Variants in KAT6B observed in about 807,000 individuals in gnomAD.
KAT6B encodes histone acetyltransferase KAT6B.
KAT6B carries 10 observed loss-of-function variants against 187.5 expected under a neutral mutation model. That is an observed-to-expected ratio of 0.05 (90% confidence interval 0.03 to 0.09). KAT6B has a LOEUF of 0.09. KAT6B is among the 10% of genes least tolerant of loss of function. The pLI is 1.00. For synonymous variants in KAT6B, 861 were observed against 926.8 expected, an observed-to-expected ratio of 0.93 and a Z score of 1.29; for missense variants, 1,952 against 2,558.9, an observed-to-expected ratio of 0.76 and a Z score of 5.12.
At chr10:74,906,075 G>GAAA (rs1179776301) in intron 3 of KAT6B, among the ~76,000 whole-genome samples, 1 of 152,002 alleles carries the variant, frequency 6.6e-6, no homozygotes, top group African/African-American at 2.4e-5. Context: ...TGAAAAATAG[G>GAAA]AAAAAATATA....
intron 13 of KAT6B, among the ~76,000 whole-genome samples, chr10:74,997,588 A>T (rs1332092256): frequency 1.3e-5 from 2 of 152,104 alleles, no homozygotes; most frequent in Non-Finnish European, 2.9e-5. Context: ...TCAAATATGA[A>T]AAAAAAATTG....
Position 74,843,268 on chromosome 10 carries a change from T to C in KAT6B, c.411T>C (p.Ser137=), listed in dbSNP as rs1196336062. The change falls in exon 3 of 18, where the codon AGT becomes AGC. Residue 137 remains serine (S), a synonymous_variant. Coordinates refer to ENST00000287239, the MANE Select transcript of KAT6B (RefSeq NM_012330.4). ...KNIEKYLRSQ[S]DLTSTTNNPA... ...TAGAGAAGTATCTCAGAAGTCAAAG[T>C]GATCTCACAAGCACCACCAACAACC... The C allele has an allele frequency of 2.5e-6, 4 of 1,613,974 alleles. No homozygotes were observed. The highest frequency in any genetic ancestry group is 3.3e-5 in the Admixed American group (2 of 59,970).
intron 1 of KAT6B, among the ~76,000 whole-genome samples, chr10:74,827,421 G>C (rs552071423): frequency 1.6e-4 from 25 of 151,954 alleles, no homozygotes; most frequent in Non-Finnish European, 3.1e-4. Flanking sequence ...GCGCATGTGA[G>C]GAGCAGGTAC....
intron 3 of KAT6B, among the ~76,000 whole-genome samples, chr10:74,928,305 C>T (rs1056051280): frequency 1.3e-5 from 2 of 152,090 alleles, no homozygotes; most frequent in Admixed American, 6.5e-5. Context: ...CCTGATGGTA[C>T]ACTAAGGCCC....
intron 3 of KAT6B, among the ~76,000 whole-genome samples, chr10:74,959,176 C>G (rs951051657): frequency 2.0e-5 from 3 of 152,088 alleles, no homozygotes. Context: ...ATGACCTTTT[C>G]AAGTGTCCCA....
chr10:75,026,878 G>C (rs900111169), intron 17 of KAT6B, among the ~76,000 whole-genome samples: 15 of 152,164 alleles, frequency 9.9e-5, no homozygotes, highest in African/African-American at 3.6e-4. Context: ...GCTCATGCCT[G>C]TAATCCCAGC....
chr10:74,968,967 TG>T (rs1841672500), intron 4 of KAT6B, among the ~76,000 whole-genome samples: 2 of 151,898 alleles, frequency 1.3e-5, no homozygotes, highest in Admixed American at 6.6e-5. Context: ...AACAGGAAAA[TG>T]GGGGAACCTG....
intron 3 of KAT6B, among the ~76,000 whole-genome samples, chr10:74,932,253 C>T (rs1329280814): frequency 1.3e-5 from 2 of 152,160 alleles, no homozygotes; most frequent in African/African-American, 2.4e-5. Context: ...TAACATGCAC[C>T]GTACACTGTC....
chr10:74,908,741 A>G (rs1280920049), intron 3 of KAT6B, among the ~76,000 whole-genome samples: 2 of 152,130 alleles, frequency 1.3e-5, no homozygotes, highest in Non-Finnish European at 2.9e-5. Flanking sequence ...TCCAGCTCAT[A>G]TACTTTTGTA....
Position 74,843,263 on chromosome 10 carries a change from CA to C in KAT6B, c.409del (p.Ser137ValfsTer24). The C allele has an allele frequency of 6.2e-7, 1 of 1,614,126 alleles. No individual in the cohort carries two copies. The highest frequency in any genetic ancestry group is 8.5e-7 in the Non-Finnish European group (1 of 1,180,028). Reference sequence around the variant, plus strand: ...GAACATAGAGAAGTATCTCAGAAGTCAAAGTGATCTCACAAGCACCACCAAC... The same window carrying C: ...GAACATAGAGAAGTATCTCAGAAGTCAAGTGATCTCACAAGCACCACCAAC... ...LKNIEKYLRS[Q>X]SDLTSTTNNP... On this transcript the variant is annotated frameshift_variant, in exon 3 of 18. Transcript: ENST00000287239. LOFTEE classifies it high-confidence loss of function.
At position 74,944,688 on chromosome 10, in the gene KAT6B, G is replaced by T. The variant is rs1318645441; in HGVS notation, c.622-15282G>T. ...GCCGGGCGTAGTGGCAGGCGCCTGTGTTCCCAGCTACTCGGGAAGCTGAGG... is the reference window on the plus strand; with the variant it reads ...GCCGGGCGTAGTGGCAGGCGCCTGTTTTCCCAGCTACTCGGGAAGCTGAGG... On this transcript the variant is annotated intron_variant, in intron 3 of 17. Transcript: ENST00000287239. Among the ~76,000 whole-genome samples, 4 of 151,698 alleles carry T rather than the reference G, an allele frequency of 2.6e-5. No homozygotes were observed. In the East Asian group the frequency reaches 7.8e-4, roughly 30 times the overall value.
intron 3 of KAT6B, among the ~76,000 whole-genome samples, chr10:74,886,345 T>C (rs924323651): frequency 1.3e-5 from 2 of 152,138 alleles, no homozygotes; most frequent in African/African-American, 2.4e-5. Flanking sequence ...TTTCCAAAGA[T>C]TGGGAAGCTG....
intron 7 of KAT6B, 66 bp downstream of exon 7, chr10:74,972,705 C>T: frequency 7.0e-7 from 1 of 1,419,322 alleles, no homozygotes; most frequent in Non-Finnish European, 9.9e-7. Context: ...GATTGTTATT[C>T]TCTCAGATTC....
At chr10:74,955,618 A>G (rs778591052) in intron 3 of KAT6B, among the ~76,000 whole-genome samples, 5 of 152,006 alleles carry the variant, frequency 3.3e-5, no homozygotes, top group East Asian at 1.9e-4. Flanking sequence ...TTACTCTCCA[A>G]TCATAACACT....
chr10:75,028,914 G>A lies in KAT6B; in HGVS notation c.4090G>A (p.Glu1364Lys). The change falls in exon 18 of 18, where the codon GAG becomes AAG. Residue 1364 changes from glutamate (E) to lysine (K), a missense_variant. Coordinates refer to ENST00000287239, the MANE Select transcript of KAT6B (RefSeq NM_012330.4). ...EEEEEEEEEE[E>K]EEEEGEEEEG... ...GGAGGAGGAGGAGGAAGAGGAAGAA[G>A]AGGAAGAAGAGGAAGGGGAAGAAGA... The A allele has an allele frequency of 6.2e-7, 1 of 1,611,764 alleles. No individual in the cohort carries two copies. Among genetic ancestry groups the A allele is most frequent in the Non-Finnish European group, 8.5e-7 (1 of 1,178,564 alleles).
intron 3 of KAT6B, among the ~76,000 whole-genome samples, chr10:74,860,947 G>A (rs2132285713): frequency 6.6e-6 from 1 of 152,308 alleles, no homozygotes; most frequent in Admixed American, 6.5e-5. Flanking sequence ...AGACCAGCCT[G>A]ACCAACATGG....
chr10:74,981,342 T>TTC, intron 10 of KAT6B, among the ~76,000 whole-genome samples: 1 of 97,870 alleles, frequency 1.0e-5, no homozygotes, highest in East Asian at 3.8e-4. Flanking sequence ...TTCCTTCCTT[T>TTC]CTTCCTTTCT....
chr10:74,873,795 C>G (rs1253986186), intron 3 of KAT6B, among the ~76,000 whole-genome samples: 1 of 152,130 alleles, frequency 6.6e-6, no homozygotes, highest in Admixed American at 6.6e-5. Flanking sequence ...TTTATTCCCT[C>G]TCTCTTTTCC....
intron 3 of KAT6B, among the ~76,000 whole-genome samples, chr10:74,951,124 T>A (rs946826926): frequency 1.6e-4 from 24 of 151,616 alleles, no homozygotes; most frequent in African/African-American, 5.1e-4. Flanking sequence ...TTTTTTTTTT[T>A]AATTTTTAAT....
Sources: allele counts gnomAD v4.1 joint callset (sites outside exome capture counted in the v4.1 genomes callset), GRCh38; gene constraint gnomAD v4.1.1; transcripts MANE v1.5; gene names NCBI Gene and HGNC (gene_info 2026-07-23, HGNC 2026-07-21).